SRCAP: variants seen among roughly 807,000 people sequenced by gnomAD.
The protein encoded by SRCAP is Snf2 related CREBBP activator protein.
SRCAP carries 46 observed loss-of-function variants against 263.1 expected under a neutral mutation model. That is an observed-to-expected ratio of 0.17 (90% CI 0.14 to 0.22). The LOEUF is 0.22. SRCAP is among the 10% of genes least tolerant of loss of function. The pLI, the probability that SRCAP is intolerant of heterozygous loss-of-function variation, is 1.00. For missense variants in SRCAP, 3,695 were observed against 4,181.9 expected (o/e 0.88, Z 3.21); for synonymous variants, 1,813 against 1,662.1 (o/e 1.09, Z -2.21).
intron 4 of SRCAP, 73 bp downstream of exon 4, chr16:30,704,388 TTA>T: frequency 6.7e-7 from 1 of 1,501,258 alleles, no homozygotes; most frequent in Non-Finnish European, 8.9e-7. Flanking sequence ...CTTGAGTATT[TTA>T]TGTTTCTTTT....
At chr16:30,699,606 C>A (rs2052743107) in intron 1 of SRCAP, among the ~76,000 whole-genome samples, 1 of 152,150 alleles carries the variant, frequency 6.6e-6, no homozygotes, top group African/African-American at 2.4e-5. Context: ...GCAGGTAGCA[C>A]CTTTCTGAGG....
In SRCAP at chr16:30,721,463, G is replaced by A. The variant is rs2053011052; in HGVS notation, c.3528G>A (p.Gln1176=). ...GCCTCATTCTATCTCCCGATATGCA[G>A]GCTCGCCTGCCCTGTAAGTTCCCAG... The part of the protein sequence containing the change: ...PQRLILSPDM[Q]ARLPSGEVVS... Residue 1176 remains glutamine, a synonymous_variant, in exon 21 of 34, where the codon CAG becomes CAA. Transcript: ENST00000262518. 1 of 1,610,182 alleles carries A rather than the reference G, an allele frequency of 6.2e-7. No homozygotes were observed. The highest frequency in any genetic ancestry group is 8.5e-7 in the Non-Finnish European group (1 of 1,179,970).
rs1230782914 is a variant in SRCAP at position 30,729,433 on chromosome 16, T to A, written c.5988T>A (p.Pro1996=). 2 of 1,614,016 alleles carry A rather than the reference T, an allele frequency of 1.2e-6. No homozygotes were observed. The highest frequency in any genetic ancestry group is 1.7e-6 in the Non-Finnish European group (2 of 1,180,028). ...PPPSLHACHP[P]PWLAPRQAAF... ...CTTCCCTGCATGCCTGCCACCCACC[T>A]CCTTGGCTGGCCCCACGTCAGGCAG... is the stretch of plus-strand genomic sequence containing the variant. The change falls in exon 27 of 34, where the codon CCT becomes CCA. Residue 1996 remains proline, a synonymous_variant. Coordinates refer to ENST00000262518, the MANE Select transcript of SRCAP (RefSeq NM_006662.3).
At chr16:30,726,377 T>C (rs1002739870) in intron 25 of SRCAP, 1 of 152,248 alleles carries the variant, frequency 6.6e-6, no homozygotes, top group African/African-American at 2.4e-5. Context: ...GTTAGATACA[T>C]ACTGAGGAGA....
At chr16:30,717,939 G>A (rs2052969511) in intron 18 of SRCAP, among the ~76,000 whole-genome samples, 1 of 148,514 alleles carries the variant, frequency 6.7e-6, no homozygotes, top group Non-Finnish European at 1.5e-5. Context: ...TTAGTTTTCT[G>A]GAAGAGATGG....
At chr16:30,706,236 A>G (rs2052825969) in intron 4 of SRCAP, among the ~76,000 whole-genome samples, 1 of 152,158 alleles carries the variant, frequency 6.6e-6, no homozygotes, top group South Asian at 2.1e-4. Context: ...AGGCAGGCGG[A>G]TTGCTTAAAC....
chr16:30,715,564 CAAAA>C (rs528259971), intron 16 of SRCAP, among the ~76,000 whole-genome samples: 7 of 111,714 alleles, frequency 6.3e-5, no homozygotes, highest in Admixed American at 1.9e-4. Context: ...AACTTTGTAT[CAAAA>C]AAAAAAAAAA....
intron 33 of SRCAP, 118 bp from the exon 34 acceptor site, chr16:30,736,931 C>T (rs990561719): frequency 7.5e-6 from 9 of 1,201,902 alleles, no homozygotes; most frequent in Non-Finnish European, 1.0e-5. Context: ...GCCTTAACTT[C>T]CCCAAGTGCT....
intron 14 of SRCAP, 104 bp downstream of exon 14, chr16:30,712,919 A>C: frequency 7.2e-7 from 1 of 1,388,962 alleles, no homozygotes; most frequent in Non-Finnish European, 9.6e-7. Flanking sequence ...TTTTAAAAAA[A>C]ATTTTTTAAT....
At chr16:30,707,778 G>A in intron 6 of SRCAP, 66 bp downstream of exon 6, 2 of 1,580,268 alleles carry the variant, frequency 1.3e-6, no homozygotes, top group South Asian at 1.1e-5. Context: ...GTGGTAGTAG[G>A]AATGATCAAA....
chr16:30,726,922 G>A (rs1210581831), intron 25 of SRCAP, among the ~76,000 whole-genome samples: 5 of 152,052 alleles, frequency 3.3e-5, no homozygotes, highest in East Asian at 1.9e-4. Flanking sequence ...GGCTGGTCTC[G>A]AACTCCTGAC....
chr16:30,736,449 C>T (rs2053161362), intron 32 of SRCAP, 55 bp downstream of exon 32: 3 of 1,606,130 alleles, frequency 1.9e-6, no homozygotes, highest in Non-Finnish European at 2.6e-6. Flanking sequence ...GGCTTGTGAC[C>T]CTCCTTTTGT....
intron 33 of SRCAP, 135 bp downstream of exon 33, chr16:30,736,759 G>C: frequency 1.0e-6 from 1 of 959,242 alleles, no homozygotes; most frequent in Non-Finnish European, 1.6e-6. Context: ...TGCAGTCTCC[G>C]CCTCCCGGGT....
rs760861425 is a variant in SRCAP, at chr16:30,722,142, G to A, written c.3562G>A (p.Gly1188Arg). ...TTTAGCAGGCGAAGTGGTCAGCATCGGGCAGTTAGCCTCACTGGCACAACG... is the reference window on the plus strand; with the variant it reads ...TTTAGCAGGCGAAGTGGTCAGCATCAGGCAGTTAGCCTCACTGGCACAACG... The part of the protein sequence containing the change: ...RLPSGEVVSI[G>R]QLASLAQRPV... The change falls in exon 22 of 34, where the codon GGG becomes AGG. Residue 1188 changes from glycine to arginine, a missense_variant. Gly to Arg is a moderately radical substitution (Grantham distance 125). This residue lies in a region of SRCAP where 1,347 missense variants were observed against 1,304.4 expected (regional missense o/e 1.03). Coordinates refer to ENST00000262518, the MANE Select transcript of SRCAP (RefSeq NM_006662.3). 19 of 1,613,890 alleles carry A rather than the reference G, an allele frequency of 1.2e-5. No individual in the cohort carries two copies. The East Asian group carries it at 1.6e-4, about 13-fold the overall frequency.
At position 30,722,355 on chromosome 16, in the gene SRCAP, T is replaced by C. The variant is rs2053019461; in HGVS notation, c.3706+69T>C. The C allele has an allele frequency of 6.4e-6, 10 of 1,567,224 alleles. No individual in the cohort carries two copies. The South Asian group carries it at 1.1e-4, about 17-fold the overall frequency. On this transcript the variant is annotated intron_variant, in intron 22 of 33. Transcript: ENST00000262518. ...CCTGTCTCTTTGTTTTTGTGACTTTTTTGAATGTCAGCCTTTATGTTTCTT... is the reference window on the plus strand; with the variant it reads ...CCTGTCTCTTTGTTTTTGTGACTTTCTTGAATGTCAGCCTTTATGTTTCTT...
In SRCAP at chr16:30,737,261, A is replaced by T. The variant is rs779526189; in HGVS notation, c.7221A>T (p.Gln2407His). 1 of 1,613,980 alleles carries T rather than the reference A, an allele frequency of 6.2e-7. No individual in the cohort carries two copies. Among genetic ancestry groups the T allele is most frequent in the South Asian group, 1.1e-5 (1 of 91,066 alleles). The change falls in exon 34 of 34, where the codon CAA (glutamine) becomes CAT (histidine). Residue 2407 changes from glutamine (Q) to histidine (H), a missense_variant. Gln to His is a conservative substitution (Grantham distance 24). Around this residue, in one of 12 missense-constraint regions of SRCAP, gnomAD observed 1,207 missense variants for 1,142.9 expected, o/e 1.06. Coordinates refer to ENST00000262518, the MANE Select transcript of SRCAP (RefSeq NM_006662.3). ...TTCGTGGAGCCCGGGCTGAGACTCA[A>T]GGGGCAAACCACACTCCTGTCATAT... Reference protein sequence around the residue: ...ERLRGARAETQGANHTPVISA... With the variant: ...ERLRGARAETHGANHTPVISA...
rs749242748 is a variant in SRCAP at position 30,714,507 on chromosome 16, C to CTTTTTTT, written c.2493+802_2493+808dup. 4.0e-5 allele frequency among the ~76,000 whole-genome samples: 4 copies of CTTTTTTT among 100,000 alleles called. 2 individuals carry two copies. The highest frequency in any genetic ancestry group is 2.8e-4 in the Admixed American group (2 of 7,114). The allele number at this position is 100,000 out of a possible 152,430, so 65.6% of individuals were successfully genotyped here. A position where few individuals can be genotyped will look rare whatever the true frequency, so the allele number is the denominator to read the frequency against. Reference sequence around the variant, plus strand: ...TAAAGGTGTGAGCCACCGTGCCGGGCTTTTTTTTTTTTGAGACAGAGTCTC... The same window carrying CTTTTTTT: ...TAAAGGTGTGAGCCACCGTGCCGGGCTTTTTTTTTTTTTTTTTTTGAGACAGAGTCTC... On this transcript the variant is annotated intron_variant, in intron 16 of 33. Coordinates refer to ENST00000262518, the MANE Select transcript of SRCAP (RefSeq NM_006662.3).
At position 30,738,625 on chromosome 16, in the gene SRCAP, GGCC is replaced by G. The variant is rs1314365531; in HGVS notation, c.8586_8588del (p.Arg2862_Pro2863delinsSer). 2.5e-6 allele frequency: 4 copies of G among 1,605,774 alleles called. No homozygotes were observed. Among genetic ancestry groups the G allele is most frequent in the Non-Finnish European group, 3.4e-6 (4 of 1,175,928 alleles). ...CCTGCTGTGAAACGTCGGAGGGGGAGGCCCCCCAAGAAGAACAGGTCTCCAGCA... is the reference window on the plus strand; with the variant it reads ...CCTGCTGTGAAACGTCGGAGGGGGAGCCCCAAGAAGAACAGGTCTCCAGCA... On this transcript the variant is annotated inframe_deletion, in exon 34 of 34. Transcript: ENST00000262518.
intron 4 of SRCAP, among the ~76,000 whole-genome samples, chr16:30,706,309 T>G (rs982474358): frequency 2.0e-5 from 3 of 152,022 alleles, no homozygotes; most frequent in Non-Finnish European, 4.4e-5. Flanking sequence ...TACAAAAAAA[T>G]TAGCTGGGCA....
Sources: gnomAD v4.1 joint callset for allele counts (sites outside exome capture counted in the v4.1 genomes callset) on GRCh38, gnomAD v4.1.1 for gene constraint, gnomAD v4.1.1 regional missense constraint, MANE v1.5 for transcripts, NCBI Gene and HGNC (gene_info 2026-07-23, HGNC 2026-07-21) for gene names.